The following TLN2 variants were observed in gnomAD, a reference collection of about 807,000 sequenced individuals.
TLN2 encodes the protein talin-2.
In TLN2, 118 loss-of-function variants were observed where a neutral mutation model predicts 294.7. That is an observed-to-expected ratio of 0.40 (90% CI 0.34 to 0.47). TLN2 has a LOEUF of 0.47. TLN2 is among the 20% of genes least tolerant of loss of function. The probability of loss-of-function intolerance (pLI) is 0.84; values close to 1 mark genes in which losing one functional copy is unlikely to be tolerated. For missense variants in TLN2, 3,083 were observed against 3,282.2 expected (o/e 0.94, Z 1.48); for synonymous variants, 1,431 against 1,304.5 (o/e 1.10, Z -2.09).
intron 1 of TLN2, among the ~76,000 whole-genome samples, chr15:62,511,154 A>G (rs1402071796): frequency 1.3e-5 from 2 of 152,258 alleles, no homozygotes; most frequent in Non-Finnish European, 2.9e-5. Context: ...AGGCTGAACT[A>G]GGATGATCAG....
chr15:62,798,751 G>T (rs1294763537), intron 48 of TLN2, among the ~76,000 whole-genome samples: 1 of 152,196 alleles, frequency 6.6e-6, no homozygotes, highest in African/African-American at 2.4e-5. Flanking sequence ...TTCCCTCACG[G>T]CATGACACTT....
At chr15:62,545,055 A>G (rs1370223891) in intron 1 of TLN2, among the ~76,000 whole-genome samples, 1 of 150,630 alleles carries the variant, frequency 6.6e-6, no homozygotes, top group Non-Finnish European at 1.5e-5. Flanking sequence ...TCAGCCTCCC[A>G]AGTAGCTGAG....
intron 32 of TLN2, among the ~76,000 whole-genome samples, chr15:62,742,838 T>G (rs1307460179): frequency 1.3e-5 from 2 of 152,196 alleles, no homozygotes; most frequent in African/African-American, 4.8e-5. Flanking sequence ...TGGGGCTGTT[T>G]CTCAGCAGAG....
At chr15:62,602,966 C>T (rs922742531) in intron 2 of TLN2, among the ~76,000 whole-genome samples, 2 of 151,632 alleles carry the variant, frequency 1.3e-5, no homozygotes, top group African/African-American at 4.9e-5. Context: ...GATCTTGGCT[C>T]ACTGCAAACT....
rs2062725969 is a variant in TLN2, at chr15:62,762,297, T to C, written c.4805T>C (p.Leu1602Pro). The C allele has an allele frequency of 1.2e-6, 2 of 1,614,198 alleles. No individual in the cohort carries two copies. Among genetic ancestry groups the C allele is most frequent in the Non-Finnish European group, 1.7e-6 (2 of 1,180,030 alleles). The change falls in exon 39 of 59, where the codon CTG becomes CCG. Residue 1602 changes from leucine to proline, a missense_variant. By Grantham distance (98) the Leu-to-Pro change is moderately conservative. Transcript: ENST00000636159. Reference sequence around the variant, plus strand: ...GGTTCCCAGGCACAGGAACCAATCCTGGTCTCAGCCAAGACCATGCTGGAG... The same window carrying C: ...GGTTCCCAGGCACAGGAACCAATCCCGGTCTCAGCCAAGACCATGCTGGAG... ...SEGSQAQEPI[L>P]VSAKTMLESS...
rs2057325871 is a variant in TLN2 at position 62,686,804 on chromosome 15, C to A, written c.1113+8C>A. On this transcript the variant is annotated splice_region_variant and intron_variant, in intron 12 of 58. Coordinates refer to ENST00000636159, the MANE Select transcript of TLN2 (RefSeq NM_015059.3). ...CCCAAGAGCTTCACACTGGTAGGGA[C>A]TGGCAGAGGGCAAGGAGAGCACTAG... is the stretch of plus-strand genomic sequence containing the variant. The A allele has an allele frequency of 1.2e-6, 2 of 1,612,674 alleles. No individual in the cohort carries two copies. The highest frequency in any genetic ancestry group is 2.7e-5 in the African/African-American group (2 of 74,990).
intron 1 of TLN2, among the ~76,000 whole-genome samples, chr15:62,585,200 A>C (rs2140710777): frequency 6.6e-6 from 1 of 152,356 alleles, no homozygotes; most frequent in East Asian, 1.9e-4. Flanking sequence ...GATTACGCCA[A>C]GTAAAACGAG....
chr15:62,693,019 A>G (rs2058047837), intron 13 of TLN2, 78 bp downstream of exon 13: 6 of 1,209,892 alleles, frequency 5.0e-6, no homozygotes, highest in Non-Finnish European at 7.0e-6. Flanking sequence ...GGCTACCTTG[A>G]AAAAAAAATC....
At chr15:62,607,883 G>A (rs766364036) in intron 2 of TLN2, among the ~76,000 whole-genome samples, 1 of 152,210 alleles carries the variant, frequency 6.6e-6, no homozygotes, top group Non-Finnish European at 1.5e-5. Context: ...CAGCTGTGGT[G>A]TAACTGCTGC....
At chr15:62,596,981 A>G (rs1410550519) in intron 2 of TLN2, among the ~76,000 whole-genome samples, 3 of 152,124 alleles carry the variant, frequency 2.0e-5, no homozygotes, top group South Asian at 2.1e-4. Flanking sequence ...CACTTTGTCA[A>G]TCTTAAAGGC....
chr15:62,437,763 G>A (rs1030710406), intron 1 of TLN2, among the ~76,000 whole-genome samples: 42 of 152,090 alleles, frequency 2.8e-4, no homozygotes, highest in Admixed American at 1.0e-3. Flanking sequence ...GTGTGTGTGT[G>A]TGTGTGTGTG....
chr15:62,799,946 T>TA (rs144627925), intron 48 of TLN2, among the ~76,000 whole-genome samples: 22,423 of 152,222 alleles, frequency 0.15, 1,878 homozygotes, highest in South Asian at 0.22. Flanking sequence ...GAGCACCTCA[T>TA]AGCCAGAGAG....
At chr15:62,774,781 T>C (rs776707835) in intron 42 of TLN2, among the ~76,000 whole-genome samples, 1 of 152,064 alleles carries the variant, frequency 6.6e-6, no homozygotes, top group African/African-American at 2.4e-5. Flanking sequence ...ACAGGACAAG[T>C]GTCCTTTAAA....
intron 9 of TLN2, among the ~76,000 whole-genome samples, chr15:62,663,025 G>C (rs1048517229): frequency 2.0e-5 from 3 of 151,902 alleles, no homozygotes; most frequent in African/African-American, 7.3e-5. Context: ...AGGTTTCACT[G>C]TGTTAGCCAG....
chr15:62,613,495 C>T (rs1023413918), intron 2 of TLN2, among the ~76,000 whole-genome samples: 2 of 152,128 alleles, frequency 1.3e-5, no homozygotes, highest in African/African-American at 4.8e-5. Flanking sequence ...AATGGTACAA[C>T]CTCTTTGGGA....
chr15:62,492,824 C>T (rs1044771627), intron 1 of TLN2, among the ~76,000 whole-genome samples: 5 of 152,102 alleles, frequency 3.3e-5, no homozygotes, highest in Non-Finnish European at 7.4e-5. Context: ...TAACAGATTC[C>T]ACAGAATTCC....
chr15:62,835,436 G>C, intron 55 of TLN2: 1 of 470,330 alleles, frequency 2.1e-6, no homozygotes, highest in South Asian at 2.5e-5. Flanking sequence ...TAGAAAGACA[G>C]CCCCAGGTCA....
At chr15:62,691,001 G>A (rs1217260846) in intron 12 of TLN2, among the ~76,000 whole-genome samples, 1 of 140,942 alleles carries the variant, frequency 7.1e-6, no homozygotes, top group Admixed American at 7.1e-5. Flanking sequence ...GAGGGAGACC[G>A]TGGAAAGAGA....
At chr15:62,492,358 A>G (rs975017836) in intron 1 of TLN2, among the ~76,000 whole-genome samples, 2 of 151,970 alleles carry the variant, frequency 1.3e-5, no homozygotes, top group African/African-American at 2.4e-5. Context: ...GGAGATCGAG[A>G]CCATCCTGGC....
Sources: allele counts gnomAD v4.1 joint callset (sites outside exome capture counted in the v4.1 genomes callset), GRCh38; gene constraint gnomAD v4.1.1; transcripts MANE v1.5; gene names NCBI Gene and HGNC (gene_info 2026-07-23, HGNC 2026-07-21).